The following ANPEP variants were observed in gnomAD, a reference collection of about 807,000 sequenced individuals.
ANPEP encodes the protein aminopeptidase N.
In ANPEP, 70 loss-of-function variants were observed where a neutral mutation model predicts 114.6. The ratio of observed to expected loss-of-function variants is 0.61; its 90% CI spans 0.50 to 0.75. The LOEUF (loss-of-function observed/expected upper bound fraction) is 0.75. Ranked by LOEUF, ANPEP falls within the 30% of genes least tolerant of loss-of-function variation. The pLI, the probability that ANPEP is intolerant of heterozygous loss-of-function variation, is 0.00. For synonymous variants in ANPEP, 548 were observed against 522.3 expected (o/e 1.05, Z -0.67); for missense variants, 1,184 against 1,259.5 (o/e 0.94, Z 0.91).
At position 89,790,557 on chromosome 15, in the gene ANPEP, G is replaced by A; in HGVS notation, c.2670-16C>T. On this transcript the variant is annotated splice_polypyrimidine_tract_variant and intron_variant, in intron 19 of 20. Coordinates refer to ENST00000300060, the MANE Select transcript of ANPEP (RefSeq NM_001150.3). ...ACCACCATAACTGCAGGGAGGGAGA[G>A]AGGTGAACTGTGAGGGAGGCCGGGA... 1 of 1,609,820 alleles carries A rather than the reference G, an allele frequency of 6.2e-7. No homozygotes were observed. The highest frequency in any genetic ancestry group is 1.1e-5 in the South Asian group (1 of 90,936).
chr15:89,793,157 A>C, intron 15 of ANPEP, 31 bp from the exon 16 acceptor site: 1 of 1,588,446 alleles, frequency 6.3e-7, no homozygotes, highest in East Asian at 2.2e-5. Flanking sequence ...ATCTCATCAA[A>C]GACTCATGCC....
At chr15:89,804,131 C>T (rs1894656592) in intron 6 of ANPEP, 122 bp downstream of exon 6, 2 of 1,553,476 alleles carry the variant, frequency 1.3e-6, no homozygotes, top group Admixed American at 3.4e-5. Context: ...TGACCCCTTC[C>T]TGCTGCCCTG....
At position 89,803,171 on chromosome 15, in the gene ANPEP, GC is replaced by G. The variant is rs1382298640; in HGVS notation, c.1569+67del. The G allele has an allele frequency of 8.5e-6, 13 of 1,537,310 alleles. No homozygotes were observed. In the East Asian group the frequency reaches 1.1e-4, roughly 13 times the overall value. On this transcript the variant is annotated intron_variant, in intron 10 of 20. Coordinates refer to ENST00000300060, the MANE Select transcript of ANPEP (RefSeq NM_001150.3). This position sits in a 1 kb window ranked among gnomAD's most constrained non-coding sequence, Gnocchi z 4.2. ...GGACCCATTCTCTTACGCATGTGCTGCCCCCAGGTACCTTCAGCATCTCAAG... is the reference window on the plus strand; with the variant it reads ...GGACCCATTCTCTTACGCATGTGCTGCCCCAGGTACCTTCAGCATCTCAAG...
Position 89,805,597 on chromosome 15 carries a change from C to T in ANPEP, c.615-134G>A, listed in dbSNP as rs1894694283. On this transcript the variant is annotated intron_variant, in intron 2 of 20. Coordinates refer to ENST00000300060, the MANE Select transcript of ANPEP (RefSeq NM_001150.3). ...CCTAACCCCTGCTCCTGCTCCCACCCCCGCCTCGCCGGGAGCCTCCGGAGC... is the reference window on the plus strand; with the variant it reads ...CCTAACCCCTGCTCCTGCTCCCACCTCCGCCTCGCCGGGAGCCTCCGGAGC... The T allele has an allele frequency of 3.1e-6, 4 of 1,305,084 alleles. No homozygotes were observed. In the Admixed American group the frequency reaches 8.2e-5, roughly 27 times the overall value. 80.8% of individuals were successfully genotyped at this position (1,305,084 alleles called of 1,614,324 possible).
chr15:89,792,583 G>A (rs573101625), intron 16 of ANPEP, 21 bp from the exon 17 acceptor site: 18 of 1,604,136 alleles, frequency 1.1e-5, no homozygotes, highest in African/African-American at 2.7e-5. Context: ...GGTGACACGC[G>A]GTTAGCACAC....
Position 89,803,342 on chromosome 15 carries a change from G to T in ANPEP, c.1504-38C>A, listed in dbSNP as rs764839842. Reference sequence around the variant, plus strand: ...GGGGCACAGTGAGAGCACAGCTGGAGCCCCCCAGGCTCCCCCTCTGTGGTG... The same window carrying T: ...GGGGCACAGTGAGAGCACAGCTGGATCCCCCCAGGCTCCCCCTCTGTGGTG... On this transcript the variant is annotated intron_variant, in intron 9 of 20. Coordinates refer to ENST00000300060, the MANE Select transcript of ANPEP (RefSeq NM_001150.3). This position sits in a 1 kb window ranked among gnomAD's most constrained non-coding sequence, Gnocchi z 4.2. 5.0e-6 allele frequency: 8 copies of T among 1,613,682 alleles called. No individual in the cohort carries two copies. The Admixed American group carries it at 5.0e-5, about 10-fold the overall frequency.
At position 89,801,518 on chromosome 15, in the gene ANPEP, C is replaced by T. The variant is rs765294537; in HGVS notation, c.1659G>A (p.Thr553=). The change falls in exon 11 of 21, where the codon ACG becomes ACA. Residue 553 remains threonine (T), a synonymous_variant. Coordinates refer to ENST00000300060, the MANE Select transcript of ANPEP (RefSeq NM_001150.3). ...AAAGGGTCCCCGTGCTGGTATCCAC[C>T]GTGATGACCGGGAAGCCCATCTGCA... ...WTLQMGFPVI[T]VDTSTGTLSQ... 6.8e-6 allele frequency: 11 copies of T among 1,614,096 alleles called. No homozygotes were observed. Among genetic ancestry groups the T allele is most frequent in the South Asian group, 2.2e-5 (2 of 91,090 alleles).
Position 89,804,543 on chromosome 15 carries a change from G to C in ANPEP, c.972C>G (p.Ile324Met), listed in dbSNP as rs1158113435. Residue 324 changes from isoleucine to methionine, a missense_variant, in exon 5 of 21, where the codon ATC (isoleucine) becomes ATG (methionine). By Grantham distance (10) the Ile-to-Met change is conservative. Transcript: ENST00000300060. ...GDYALNVTGPILNFFAGHYDT... is the reference protein window; with the variant it reads ...GDYALNVTGPMLNFFAGHYDT... ...CATAATGACCAGCAAAGAAGTTAAG[G>C]ATGGGGCCCGTCACGTTCAGGGCAT... 1 of 1,614,078 alleles carries C rather than the reference G, an allele frequency of 6.2e-7. No individual in the cohort carries two copies. Among genetic ancestry groups the C allele is most frequent in the African/African-American group, 1.3e-5 (1 of 74,942 alleles).
At position 89,785,084 on chromosome 15, in the gene ANPEP, C is replaced by T; in HGVS notation, c.*265G>A. On this transcript the variant is annotated 3_prime_UTR_variant, in exon 21 of 21. Transcript: ENST00000300060. The stretch of plus-strand genomic sequence containing the variant: ...CCCTGGAGCTGGGCTTCCCTGAGAT[C>T]AGCCCCAGGGCACTGGGCGACAGGT... 4.7e-6 allele frequency: 2 copies of T among 426,286 alleles called. No individual in the cohort carries two copies. 26.4% of individuals were successfully genotyped at this position (426,286 alleles called of 1,614,324 possible).
At chr15:89,788,462 G>A (rs993422520) in intron 20 of ANPEP, among the ~76,000 whole-genome samples, 1 of 152,188 alleles carries the variant, frequency 6.6e-6, no homozygotes, top group South Asian at 2.1e-4. Context: ...GGTTGCCAGG[G>A]GCTGAGGGGA....
At chr15:89,797,424 A>T in intron 15 of ANPEP, 151 bp downstream of exon 15, 1 of 1,185,002 alleles carries the variant, frequency 8.4e-7, no homozygotes, top group Non-Finnish European at 1.2e-6. Flanking sequence ...GAACCTGACA[A>T]GGCAATCTTT....
rs1353508715 is a variant in ANPEP at position 89,803,319 on chromosome 15, G to C, written c.1504-15C>G. ...TGGAGGTAGGACTGTGGAAAGACGG[G>C]GCACAGTGAGAGCACAGCTGGAGCC... On this transcript the variant is annotated splice_polypyrimidine_tract_variant and intron_variant, in intron 9 of 20. Coordinates refer to ENST00000300060, the MANE Select transcript of ANPEP (RefSeq NM_001150.3). This position sits in a 1 kb window ranked among gnomAD's most constrained non-coding sequence, Gnocchi z 4.2. 3.1e-6 allele frequency: 5 copies of C among 1,614,020 alleles called. No individual in the cohort carries two copies. The highest frequency in any genetic ancestry group is 4.2e-6 in the Non-Finnish European group (5 of 1,179,862).
chr15:89,794,288 A>C (rs1481632059), intron 15 of ANPEP, among the ~76,000 whole-genome samples: 1 of 152,094 alleles, frequency 6.6e-6, no homozygotes, highest in Non-Finnish European at 1.5e-5. Context: ...GTTTGAGACC[A>C]GCCTGGCCAA....
Position 89,803,708 on chromosome 15 carries a change from G to A in ANPEP, c.1376C>T (p.Ala459Val), listed in dbSNP as rs1190054725. 1 of 1,613,344 alleles carries A rather than the reference G, an allele frequency of 6.2e-7. No homozygotes were observed. Among genetic ancestry groups the A allele is most frequent in the South Asian group, 1.1e-5 (1 of 91,006 alleles). The change falls in exon 8 of 21, where the codon GCC becomes GTC. Residue 459 changes from alanine to valine, a missense_variant. By Grantham distance (64) the Ala-to-Val change is moderately conservative. Coordinates refer to ENST00000300060, the MANE Select transcript of ANPEP (RefSeq NM_001150.3). The surrounding 1 kb of genome is among the most constrained non-coding windows in gnomAD (Gnocchi z 4.2). ...LASSHPLSTP[A>V]SEINTPAQIS... ...CTGGGCCGGCGTGTTGATCTCCGAG[G>A]CGGGTGTGGACAGCGGGTGGGAGGA...
intron 14 of ANPEP, among the ~76,000 whole-genome samples, chr15:89,798,731 GGAGTGC>G (rs543002068): frequency 4.0e-5 from 6 of 151,650 alleles, no homozygotes; most frequent in Non-Finnish European, 7.4e-5. Context: ...CACAAGGTCA[GGAGTGC>G]GAGACCAGCC....
rs112068874 is a variant in ANPEP, at chr15:89,785,327, G to A, written c.*22C>T. ...CATGTGGGCACCTTGCATGGGGGCC[G>A]GGTGACTTCAAGGGCTGGGGACTAT... On this transcript the variant is annotated 3_prime_UTR_variant, in exon 21 of 21. Transcript: ENST00000300060. 33 of 1,613,888 alleles carry A rather than the reference G, an allele frequency of 2.0e-5. No individual in the cohort carries two copies. Among genetic ancestry groups the A allele is most frequent in the East Asian group, 1.3e-4 (6 of 44,878 alleles).
Position 89,805,207 on chromosome 15 carries a change from G to A in ANPEP, c.768C>T (p.Thr256=), listed in dbSNP as rs912495326. 2.8e-5 allele frequency: 45 copies of A among 1,614,098 alleles called. No homozygotes were observed. The highest frequency in any genetic ancestry group is 3.5e-5 in the Non-Finnish European group (41 of 1,180,036). ...LSNMLPKGPS[T]PLPEDPNWNV... Reference sequence around the variant, plus strand: ...TCCAGTTGGGGTCTTCTGGAAGTGGGGTGCTGGGACCTGGGCAGGGAGCAT... The same window carrying A: ...TCCAGTTGGGGTCTTCTGGAAGTGGAGTGCTGGGACCTGGGCAGGGAGCAT... Residue 256 remains threonine (T), a synonymous_variant, in exon 4 of 21, where the codon ACC becomes ACT. Coordinates refer to ENST00000300060, the MANE Select transcript of ANPEP (RefSeq NM_001150.3).
At chr15:89,797,935 C>T (rs1181354295) in intron 14 of ANPEP, among the ~76,000 whole-genome samples, 1 of 152,216 alleles carries the variant, frequency 6.6e-6, no homozygotes, top group Non-Finnish European at 1.5e-5. Flanking sequence ...ACAAACAAGG[C>T]CCCACCCTCA....
intron 1 of ANPEP, among the ~76,000 whole-genome samples, chr15:89,807,280 A>T (rs1416304055): frequency 6.6e-6 from 1 of 152,192 alleles, no homozygotes; most frequent in Non-Finnish European, 1.5e-5. Flanking sequence ...TCCAGCTGTG[A>T]CCTTGAGCAG....
Sources: gnomAD v4.1 joint callset for allele counts (sites outside exome capture counted in the v4.1 genomes callset) on GRCh38, gnomAD v4.1.1 for gene constraint, Gnocchi (gnomAD v3.1) non-coding constraint, MANE v1.5 for transcripts, NCBI Gene and HGNC (gene_info 2026-07-23, HGNC 2026-07-21) for gene names.